Variants in SPIRE1 observed in about 807,000 individuals in gnomAD.
SPIRE1 encodes the protein spire type actin nucleation factor 1.
Under a neutral mutation model 94.1 loss-of-function variants are expected in SPIRE1, and 40 were observed. The observed-to-expected ratio is 0.43, with a 90% CI of 0.33 to 0.55. The LOEUF (loss-of-function observed/expected upper bound fraction) is 0.55. Ranked by LOEUF, SPIRE1 falls within the 20% of genes least tolerant of loss-of-function variation. The pLI, the probability that SPIRE1 is intolerant of heterozygous loss-of-function variation, is 0.06. For synonymous variants in SPIRE1, 376 were observed against 371.7 expected, an observed-to-expected ratio of 1.01 and a Z score of -0.13; for missense variants, 838 against 975.2, an observed-to-expected ratio of 0.86 and a Z score of 1.87.
chr18:12,452,025 GA>G (rs1280185514), intron 16 of SPIRE1, among the ~76,000 whole-genome samples: 1 of 152,000 alleles, frequency 6.6e-6, no homozygotes, highest in Non-Finnish European at 1.5e-5. Flanking sequence ...TTCTAAAGTA[GA>G]AAAAAATATA....
In SPIRE1 at chr18:12,657,482, C is replaced by T. The variant is rs369751804; in HGVS notation, c.337+48G>A. The T allele has an allele frequency of 4.9e-5, 60 of 1,214,384 alleles. No homozygotes were observed. In the East Asian group the frequency reaches 7.2e-4, roughly 15 times the overall value. 75.2% of individuals were successfully genotyped at this position (1,214,384 alleles called of 1,614,324 possible). On this transcript the variant is annotated intron_variant, in intron 1 of 16. Coordinates refer to ENST00000409402, the MANE Select transcript of SPIRE1 (RefSeq NM_001128626.2). ...GGACGCTGAGGGTAAGGCGGCCCAGCCGCGGGTGTTCCAAGAACTACGAGG... is the reference window on the plus strand; with the variant it reads ...GGACGCTGAGGGTAAGGCGGCCCAGTCGCGGGTGTTCCAAGAACTACGAGG...
chr18:12,646,961 T>C (rs1271667444), intron 1 of SPIRE1, among the ~76,000 whole-genome samples: 1 of 151,740 alleles, frequency 6.6e-6, no homozygotes, highest in Non-Finnish European at 1.5e-5. Flanking sequence ...GGAGAATCAC[T>C]TGAACCCAGA....
At chr18:12,624,249 A>C (rs563076906) in intron 2 of SPIRE1, among the ~76,000 whole-genome samples, 21 of 150,978 alleles carry the variant, frequency 1.4e-4, no homozygotes, top group African/African-American at 4.9e-4. Context: ...AAAAAAAAAA[A>C]ACATTCTACA....
At chr18:12,573,896 C>T (rs1045539149) in intron 2 of SPIRE1, among the ~76,000 whole-genome samples, 5 of 152,042 alleles carry the variant, frequency 3.3e-5, no homozygotes, top group Non-Finnish European at 5.9e-5. Context: ...CCTGCCACCA[C>T]GCCCGGCTAA....
At chr18:12,597,157 T>TACACACACACACACACAC (rs58238813) in intron 2 of SPIRE1, among the ~76,000 whole-genome samples, 8 of 144,206 alleles carry the variant, frequency 5.5e-5, no homozygotes, top group Admixed American at 5.0e-4. Flanking sequence ...TGTCTCTTTC[T>TACACACACACACACACAC]ACACACACAC....
intron 2 of SPIRE1, among the ~76,000 whole-genome samples, chr18:12,608,089 C>T (rs1299876355): frequency 2.7e-5 from 4 of 148,952 alleles, no homozygotes; most frequent in Admixed American, 6.8e-5. Context: ...ACTCGGGTGG[C>T]GGAGCTTGCA....
intron 1 of SPIRE1, among the ~76,000 whole-genome samples, chr18:12,638,374 G>A (rs1008767321): frequency 2.0e-5 from 3 of 152,168 alleles, no homozygotes; most frequent in Non-Finnish European, 4.4e-5. Context: ...AGCCCAGGAG[G>A]TCCAGTCTGC....
intron 2 of SPIRE1, among the ~76,000 whole-genome samples, chr18:12,627,218 C>T (rs1011947460): frequency 1.3e-5 from 2 of 151,916 alleles, no homozygotes; most frequent in African/African-American, 2.4e-5. Context: ...CTCCCTCCCC[C>T]ACCCCACAAC....
chr18:12,658,046 G>A lies in SPIRE1; in HGVS notation c.-180C>T, dbSNP rs4073592. 410,050 of 991,078 alleles carry A rather than the reference G, an allele frequency of 0.41. 86,156 individuals are homozygous for A. The highest frequency in any genetic ancestry group is 0.43 in the Non-Finnish European group (358,244 of 834,742). The allele number at this position is 991,078 out of a possible 1,614,324, so 61.4% of individuals were successfully genotyped here. ...GGGAGGCGTGGGCAAGAGGAGGGCG[G>A]CGAGGACACGGCTGCAGTCCCGGTC... On this transcript the variant is annotated 5_prime_UTR_variant, in exon 1 of 17. Coordinates refer to ENST00000409402, the MANE Select transcript of SPIRE1 (RefSeq NM_001128626.2).
chr18:12,517,427 C>T (rs1368112016), intron 4 of SPIRE1, among the ~76,000 whole-genome samples: 2 of 152,156 alleles, frequency 1.3e-5, no homozygotes, highest in Non-Finnish European at 2.9e-5. Flanking sequence ...CTAGAAAGCT[C>T]AATTTTTCTA....
chr18:12,638,705 T>C (rs1016647373), intron 1 of SPIRE1, among the ~76,000 whole-genome samples: 5 of 152,196 alleles, frequency 3.3e-5, no homozygotes, highest in African/African-American at 1.2e-4. Flanking sequence ...GATTAGATCA[T>C]GAGGATGGTT....
At chr18:12,614,872 T>C (rs1379697941) in intron 2 of SPIRE1, among the ~76,000 whole-genome samples, 1 of 151,392 alleles carries the variant, frequency 6.6e-6, no homozygotes, top group Non-Finnish European at 1.5e-5. Flanking sequence ...TTTAAAATTT[T>C]AACTTTGATC....
At position 12,559,173 on chromosome 18, in the gene SPIRE1, C is replaced by CAGGGT. The variant is rs1555624660; in HGVS notation, c.373-12270_373-12269insACCCT. ...GAGGCTCCATCTGCTTAGGAGCCCA[C>CAGGGT]GGGGTGGGGTGGGGTGGGGGGGCGC... On this transcript the variant is annotated intron_variant, in intron 2 of 16. Transcript: ENST00000409402. The surrounding 1 kb of genome is among the most constrained non-coding windows in gnomAD (Gnocchi z 4.7). 9.2e-6 allele frequency among the ~76,000 whole-genome samples: 1 copy of CAGGGT among 108,398 alleles called. No homozygotes were observed. The highest frequency in any genetic ancestry group is 3.9e-5 in the African/African-American group (1 of 25,652). The allele number at this position is 108,398 out of a possible 152,430, so 71.1% of individuals were successfully genotyped here. A position where few individuals can be genotyped will look rare whatever the true frequency, so the allele number is the denominator to read the frequency against.
intron 2 of SPIRE1, among the ~76,000 whole-genome samples, chr18:12,593,932 AAG>A (rs978088951): frequency 6.6e-6 from 1 of 150,554 alleles, no homozygotes; most frequent in African/African-American, 2.4e-5. Context: ...CCTGGGCAAC[AAG>A]AGAGAAACGC....
intron 5 of SPIRE1, 37 bp downstream of exon 5, chr18:12,512,417 G>T (rs985916127): frequency 5.6e-6 from 8 of 1,417,064 alleles, no homozygotes; most frequent in Non-Finnish European, 7.8e-6. Context: ...CTATTTCTTA[G>T]ACAGTAAACA....
intron 2 of SPIRE1, among the ~76,000 whole-genome samples, chr18:12,548,870 C>G (rs945453617): frequency 6.6e-6 from 1 of 152,172 alleles, no homozygotes; most frequent in Admixed American, 6.5e-5. Flanking sequence ...CTGCCTCGGC[C>G]TCTCAAAGTG....
intron 10 of SPIRE1, among the ~76,000 whole-genome samples, chr18:12,473,582 T>C (rs925629300): frequency 1.3e-5 from 2 of 152,242 alleles, no homozygotes; most frequent in African/African-American, 2.4e-5. Flanking sequence ...AAATTGCTCA[T>C]ATTTTGTTAA....
In SPIRE1 at chr18:12,590,855, T is replaced by A. The variant is rs1040992441; in HGVS notation, c.373-43951A>T. On this transcript the variant is annotated intron_variant, in intron 2 of 16. Transcript: ENST00000409402. ...ACTGTGTACAGTTTGTAAAATGGGTTATGCAACTGTCATGATTTCTTTGGC... is the reference window on the plus strand; with the variant it reads ...ACTGTGTACAGTTTGTAAAATGGGTAATGCAACTGTCATGATTTCTTTGGC... Among the ~76,000 whole-genome samples, 13 of 152,236 alleles carry A rather than the reference T, an allele frequency of 8.5e-5. No homozygotes were observed. The East Asian group carries it at 2.3e-3, about 27-fold the overall frequency.
At chr18:12,658,488 G>A (rs1184821101), upstream of SPIRE1, 2 of 451,970 alleles carry the variant, frequency 4.4e-6, no homozygotes, top group South Asian at 1.6e-5. Context: ...GGAAGTCCCC[G>A]GCCGACTCTG....
Sources: gnomAD v4.1 joint callset for allele counts (sites outside exome capture counted in the v4.1 genomes callset) on GRCh38, gnomAD v4.1.1 for gene constraint, Gnocchi (gnomAD v3.1) non-coding constraint, MANE v1.5 for transcripts, NCBI Gene and HGNC (gene_info 2026-07-23, HGNC 2026-07-21) for gene names.